The following HCN1 variants were observed in gnomAD, a reference collection of about 807,000 sequenced individuals.
HCN1 encodes hyperpolarization activated cyclic nucleotide gated potassium channel 1.
A neutral mutation model predicts 78.9 loss-of-function variants in HCN1; 13 were observed. The observed-to-expected ratio is 0.16, with a 90% CI of 0.11 to 0.26. The LOEUF is 0.26. Among genes scored for constraint, HCN1 ranks in the 10% least tolerant of loss-of-function variants. The probability of loss-of-function intolerance (pLI) is 1.00; values close to 1 mark genes in which losing one functional copy is unlikely to be tolerated. For missense variants in HCN1, 810 were observed against 1,154.3 expected, an observed-to-expected ratio of 0.70 and a Z score of 4.32; for synonymous variants, 552 against 455.5, an observed-to-expected ratio of 1.21 and a Z score of -2.70.
At chr5:45,574,538 T>C (rs957505846) in intron 2 of HCN1, 4 of 152,064 alleles carry the variant, frequency 2.6e-5, no homozygotes, top group Non-Finnish European at 5.9e-5. Context: ...CACAACAATA[T>C]TGTAATTAGT....
intron 6 of HCN1, among the ~76,000 whole-genome samples, chr5:45,279,457 A>G (rs2111865583): frequency 1.3e-5 from 2 of 152,276 alleles, no homozygotes; most frequent in Middle Eastern, 6.8e-3. Flanking sequence ...AGGATGAGAA[A>G]TGACTTTCCA....
intron 3 of HCN1, among the ~76,000 whole-genome samples, chr5:45,446,259 A>G (rs952343348): frequency 2.0e-5 from 3 of 152,344 alleles, no homozygotes; most frequent in South Asian, 4.1e-4. Context: ...CTCAGGAGCC[A>G]ATGCGATCAA....
chr5:45,412,459 T>C (rs1248682664), intron 3 of HCN1, among the ~76,000 whole-genome samples: 6 of 152,066 alleles, frequency 3.9e-5, no homozygotes, highest in Non-Finnish European at 7.4e-5. Flanking sequence ...GGGAGACAAC[T>C]GCAATCACAC....
intron 2 of HCN1, among the ~76,000 whole-genome samples, chr5:45,467,349 T>TA (rs1209854919): frequency 6.6e-6 from 1 of 152,120 alleles, no homozygotes; most frequent in East Asian, 1.9e-4. Flanking sequence ...TCCAGCTATA[T>TA]AAAAAATTAT....
intron 3 of HCN1, among the ~76,000 whole-genome samples, chr5:45,421,940 A>G (rs534524827): frequency 3.3e-5 from 5 of 152,326 alleles, no homozygotes; most frequent in Admixed American, 1.3e-4. Flanking sequence ...ACACTACCCC[A>G]AAATATGGCA....
intron 6 of HCN1, among the ~76,000 whole-genome samples, chr5:45,299,308 A>G (rs1745559710): frequency 6.6e-6 from 1 of 152,186 alleles, no homozygotes; most frequent in South Asian, 2.1e-4. Flanking sequence ...AATTATCTGT[A>G]TGATCTTTGC....
intron 5 of HCN1, among the ~76,000 whole-genome samples, chr5:45,307,786 C>A (rs1745766178): frequency 6.6e-6 from 1 of 151,996 alleles, no homozygotes; most frequent in Non-Finnish European, 1.5e-5. Context: ...CTAAGGGAAT[C>A]TGAGTAATGT....
chr5:45,371,112 G>A (rs562504121), intron 4 of HCN1, among the ~76,000 whole-genome samples: 1 of 151,958 alleles, frequency 6.6e-6, no homozygotes, highest in African/African-American at 2.4e-5. Context: ...CAGAATCTCT[G>A]GGACTCAGCT....
At chr5:45,430,653 G>A (rs1740444250) in intron 3 of HCN1, among the ~76,000 whole-genome samples, 1 of 151,948 alleles carries the variant, frequency 6.6e-6, no homozygotes, top group Non-Finnish European at 1.5e-5. Context: ...ATCCCATGGT[G>A]TTTATATACC....
At chr5:45,445,590 G>A (rs1740774703) in intron 3 of HCN1, among the ~76,000 whole-genome samples, 2 of 152,174 alleles carry the variant, frequency 1.3e-5, no homozygotes, top group South Asian at 4.1e-4. Context: ...CTCCTCAAGT[G>A]GGTCCCTGAC....
At chr5:45,569,556 AT>A (rs1743782690) in intron 2 of HCN1, among the ~76,000 whole-genome samples, 1 of 151,972 alleles carries the variant, frequency 6.6e-6, no homozygotes, top group African/African-American at 2.4e-5. Flanking sequence ...TAATTAATTA[AT>A]TTAATTTAAT....
At chr5:45,376,272 A>AT (rs1561132439) in intron 4 of HCN1, among the ~76,000 whole-genome samples, 1 of 133,622 alleles carries the variant, frequency 7.5e-6, no homozygotes, top group Non-Finnish European at 1.6e-5. Flanking sequence ...TATATATTCT[A>AT]TATAGAATAT....
chr5:45,356,012 T>C (rs571340527), intron 4 of HCN1, among the ~76,000 whole-genome samples: 4 of 152,108 alleles, frequency 2.6e-5, no homozygotes, highest in Admixed American at 1.3e-4. Flanking sequence ...TGCAAGAATG[T>C]ATGAAAATAT....
intron 6 of HCN1, among the ~76,000 whole-genome samples, chr5:45,289,171 A>C (rs977274976): frequency 2.0e-5 from 3 of 152,050 alleles, no homozygotes; most frequent in African/African-American, 7.2e-5. Context: ...CTTTAGTATA[A>C]AAATATGACT....
intron 4 of HCN1, among the ~76,000 whole-genome samples, chr5:45,379,963 GA>G (rs1405973416): frequency 6.6e-6 from 1 of 151,994 alleles, no homozygotes. Context: ...TTACGGTACA[GA>G]TATGTAAATA....
At chr5:45,344,002 T>C (rs1282478778) in intron 5 of HCN1, among the ~76,000 whole-genome samples, 2 of 152,144 alleles carry the variant, frequency 1.3e-5, no homozygotes, top group Admixed American at 6.6e-5. Flanking sequence ...AAGACATAAC[T>C]GAGACCGAGT....
rs1426582017 is a variant in HCN1 at position 45,576,720 on chromosome 5, C to T, written c.849+68465G>A. On this transcript the variant is annotated intron_variant, in intron 2 of 7. Coordinates refer to ENST00000303230, the MANE Select transcript of HCN1 (RefSeq NM_021072.4). ...TTAACAGACTACAGTATAGTGTAAACATAACATTTATATGCACTGATAAAC... is the reference window on the plus strand; with the variant it reads ...TTAACAGACTACAGTATAGTGTAAATATAACATTTATATGCACTGATAAAC... 4 of 152,220 alleles carry T rather than the reference C, an allele frequency of 2.6e-5. No homozygotes were observed. The East Asian group carries it at 7.7e-4, about 29-fold the overall frequency. The allele number at this position is 152,220 out of a possible 1,614,324, so 9.4% of individuals were successfully genotyped here.
intron 2 of HCN1, among the ~76,000 whole-genome samples, chr5:45,496,719 AT>A (rs1266468121): frequency 3.3e-5 from 5 of 151,686 alleles, no homozygotes; most frequent in Non-Finnish European, 7.4e-5. Context: ...TTCTGCTCTG[AT>A]TTTAGTTATT....
At chr5:45,561,301 A>T (rs1022819427) in intron 2 of HCN1, among the ~76,000 whole-genome samples, 5 of 151,986 alleles carry the variant, frequency 3.3e-5, no homozygotes, top group Admixed American at 2.0e-4. Flanking sequence ...AATCCTCCTG[A>T]GTGTAATTTT....
Sources: gnomAD v4.1 joint callset for allele counts (sites outside exome capture counted in the v4.1 genomes callset) on GRCh38, gnomAD v4.1.1 for gene constraint, MANE v1.5 for transcripts, NCBI Gene and HGNC (gene_info 2026-07-23, HGNC 2026-07-21) for gene names.